The following PPP3CA variants were observed in gnomAD, a reference collection of about 807,000 sequenced individuals.
PPP3CA encodes CAM-PRP catalytic subunit.
A neutral mutation model predicts 66.5 loss-of-function variants in PPP3CA; 14 were observed. The observed-to-expected ratio is 0.21, with a 90% CI of 0.14 to 0.33. The LOEUF (loss-of-function observed/expected upper bound fraction) is 0.33. Ranked by LOEUF, PPP3CA falls within the 10% of genes least tolerant of loss-of-function variation. PPP3CA has a pLI of 1.00. For missense variants in PPP3CA, 317 were observed against 639.5 expected (o/e 0.50, Z 5.44); for synonymous variants, 232 against 226.2 (o/e 1.03, Z -0.23).
chr4:101,186,145 T>C (rs1000662934), intron 2 of PPP3CA, among the ~76,000 whole-genome samples: 5 of 152,158 alleles, frequency 3.3e-5, no homozygotes, highest in Admixed American at 1.3e-4. Flanking sequence ...CTTATTAGCA[T>C]GTTGAAACAT....
At chr4:101,322,796 T>C (rs1729082418) in intron 1 of PPP3CA, among the ~76,000 whole-genome samples, 1 of 152,130 alleles carries the variant, frequency 6.6e-6, no homozygotes, top group African/African-American at 2.4e-5. Flanking sequence ...CCATCCAGCT[T>C]ACGGTATTTT....
chr4:101,225,417 C>T (rs987058527), intron 1 of PPP3CA, among the ~76,000 whole-genome samples: 7 of 151,710 alleles, frequency 4.6e-5, no homozygotes, highest in Admixed American at 1.3e-4. Flanking sequence ...AAAAAAGTCT[C>T]GTGATCTGGA....
intron 1 of PPP3CA, among the ~76,000 whole-genome samples, chr4:101,199,286 A>G (rs1439786771): frequency 6.6e-6 from 1 of 152,192 alleles, no homozygotes; most frequent in African/African-American, 2.4e-5. Context: ...ATTCATTGTG[A>G]AAGTTGCTAC....
At chr4:101,105,618 A>G in intron 3 of PPP3CA, among the ~76,000 whole-genome samples, 1 of 152,202 alleles carries the variant, frequency 6.6e-6, no homozygotes, top group Non-Finnish European at 1.5e-5. Context: ...AAGAACAATA[A>G]GATTAAAGAA....
chr4:101,152,080 C>T (rs1183093384), intron 2 of PPP3CA, among the ~76,000 whole-genome samples: 1 of 152,106 alleles, frequency 6.6e-6, no homozygotes, highest in African/African-American at 2.4e-5. Context: ...AAATTTGAAA[C>T]TTAAGAATTT....
chr4:101,319,437 T>G (rs558426070), intron 1 of PPP3CA, among the ~76,000 whole-genome samples: 4 of 152,228 alleles, frequency 2.6e-5, no homozygotes, highest in Non-Finnish European at 5.9e-5. Context: ...TTAAATAAAT[T>G]TTTAGAACTA....
At chr4:101,105,463 A>G (rs1232185864) in intron 3 of PPP3CA, among the ~76,000 whole-genome samples, 2 of 151,746 alleles carry the variant, frequency 1.3e-5, no homozygotes, top group African/African-American at 4.8e-5. Flanking sequence ...CACACCCAGC[A>G]ACATCTTTAC....
intron 2 of PPP3CA, among the ~76,000 whole-genome samples, chr4:101,190,906 G>A (rs1183418633): frequency 6.6e-6 from 1 of 152,076 alleles, no homozygotes; most frequent in Non-Finnish European, 1.5e-5. Flanking sequence ...TTCTTTGTAT[G>A]TTTTCTTCAG....
At chr4:101,146,825 T>G (rs1220351273) in intron 2 of PPP3CA, among the ~76,000 whole-genome samples, 2 of 152,188 alleles carry the variant, frequency 1.3e-5, no homozygotes, top group Non-Finnish European at 2.9e-5. Context: ...TTATCCAAAA[T>G]GCTTGGGACC....
At chr4:101,120,927 T>C (rs17829584) in intron 2 of PPP3CA, among the ~76,000 whole-genome samples, 19,718 of 152,070 alleles carry the variant, frequency 0.13, 1,416 homozygotes, top group South Asian at 0.2. Flanking sequence ...GGTCTTAAGT[T>C]TCTTGTTTCT....
chr4:101,084,828 T>C (rs544941763), intron 6 of PPP3CA, among the ~76,000 whole-genome samples: 1 of 152,198 alleles, frequency 6.6e-6, no homozygotes, highest in African/African-American at 2.4e-5. Context: ...TTCCTAGTTG[T>C]CCCCAGTCAA....
chr4:101,097,109 T>C (rs1730229796), intron 5 of PPP3CA, among the ~76,000 whole-genome samples: 1 of 152,162 alleles, frequency 6.6e-6, no homozygotes, highest in Non-Finnish European at 1.5e-5. Flanking sequence ...ACCTTGAGAT[T>C]AGTGCATCAC....
At chr4:101,109,801 C>T (rs1441360569) in intron 2 of PPP3CA, among the ~76,000 whole-genome samples, 1 of 152,020 alleles carries the variant, frequency 6.6e-6, no homozygotes, top group African/African-American at 2.4e-5. Context: ...TCTTAACATT[C>T]TCACTTTCTC....
chr4:101,280,335 C>G (rs1429979532), intron 1 of PPP3CA, among the ~76,000 whole-genome samples: 1 of 152,012 alleles, frequency 6.6e-6, no homozygotes, highest in Non-Finnish European at 1.5e-5. Context: ...AATATAAAGG[C>G]CTTGAGCTGT....
chr4:101,071,902 T>C (rs1728935945), intron 8 of PPP3CA, among the ~76,000 whole-genome samples: 2 of 152,226 alleles, frequency 1.3e-5, no homozygotes, highest in South Asian at 4.1e-4. Flanking sequence ...AGATTATGTG[T>C]AGATTCATTC....
At chr4:101,324,949 A>G (rs1042426271) in intron 1 of PPP3CA, among the ~76,000 whole-genome samples, 6 of 152,242 alleles carry the variant, frequency 3.9e-5, no homozygotes, top group Admixed American at 2.0e-4. Flanking sequence ...GAACACAAAG[A>G]TACTCTACTC....
chr4:101,189,066 A>C (rs1724504641), intron 2 of PPP3CA, among the ~76,000 whole-genome samples: 1 of 152,116 alleles, frequency 6.6e-6, no homozygotes, highest in African/African-American at 2.4e-5. Flanking sequence ...TTCGTCAACT[A>C]TCTCATGTGT....
At chr4:101,088,052 A>G (rs761244781) in intron 6 of PPP3CA, among the ~76,000 whole-genome samples, 3 of 152,194 alleles carry the variant, frequency 2.0e-5, no homozygotes, top group Non-Finnish European at 4.4e-5. Context: ...TTCATCATGA[A>G]TAGTCCCTTG....
chr4:101,106,458 A>AGAAGAGAAGAGAAGAGAAGAGAAGAGAAG (rs1560605216), intron 3 of PPP3CA, among the ~76,000 whole-genome samples: 1 of 32,676 alleles, frequency 3.1e-5, no homozygotes, highest in African/African-American at 1.8e-4. Context: ...AGAAAGAGAA[A>AGAAGAGAAGAGAAGAGAAGAGAAGAGAAG]AGAAAAGAAA....
Sources: allele counts gnomAD v4.1 joint callset (sites outside exome capture counted in the v4.1 genomes callset), GRCh38; gene constraint gnomAD v4.1.1; transcripts MANE v1.5; gene names NCBI Gene and HGNC (gene_info 2026-07-23, HGNC 2026-07-21).